The following PCDH7 variants were observed in gnomAD, a reference collection of about 807,000 sequenced individuals.
The protein encoded by PCDH7 is protocadherin 7.
PCDH7 carries 17 observed loss-of-function variants against 58.9 expected under a neutral mutation model. The observed-to-expected ratio is 0.29, with a 90% confidence interval of 0.20 to 0.43. The LOEUF is 0.43. Ranked by LOEUF, PCDH7 falls within the 20% of genes least tolerant of loss-of-function variation. The pLI, the probability that PCDH7 is intolerant of heterozygous loss-of-function variation, is 1.00. For synonymous variants in PCDH7, 664 were observed against 616.4 expected, an observed-to-expected ratio of 1.08 and a Z score of -1.14; for missense variants, 1,274 against 1,441.0, an observed-to-expected ratio of 0.88 and a Z score of 1.88.
intron 1 of PCDH7, among the ~76,000 whole-genome samples, chr4:30,798,160 C>T (rs1052718577): frequency 3.9e-5 from 6 of 152,134 alleles, no homozygotes; most frequent in Admixed American, 1.3e-4. Flanking sequence ...AATCAACATA[C>T]CTAAGACGTT....
chr4:30,880,351 A>C (rs1736813250), intron 1 of PCDH7, among the ~76,000 whole-genome samples: 1 of 152,100 alleles, frequency 6.6e-6, no homozygotes, highest in Non-Finnish European at 1.5e-5. Context: ...TCCTTATATA[A>C]AGAGCTTAAT....
intron 1 of PCDH7, among the ~76,000 whole-genome samples, chr4:30,813,923 A>T (rs1188642627): frequency 6.6e-6 from 1 of 152,170 alleles, no homozygotes; most frequent in Non-Finnish European, 1.5e-5. Flanking sequence ...TACAGGCGTG[A>T]GCTACCGCGC....
At chr4:30,889,108 G>A (rs1738241007) in intron 1 of PCDH7, among the ~76,000 whole-genome samples, 1 of 143,656 alleles carries the variant, frequency 7.0e-6, no homozygotes, top group Admixed American at 7.1e-5. Context: ...TTCAGCCTGG[G>A]AGGCAGAGGT....
At chr4:31,055,493 A>G (rs544141910) in intron 3 of PCDH7, among the ~76,000 whole-genome samples, 1 of 152,296 alleles carries the variant, frequency 6.6e-6, no homozygotes, top group Admixed American at 6.5e-5. Flanking sequence ...TTAAAACTCC[A>G]AATGGCATTC....
At chr4:30,938,986 T>A (rs934859878) in intron 2 of PCDH7, among the ~76,000 whole-genome samples, 2 of 152,156 alleles carry the variant, frequency 1.3e-5, no homozygotes, top group Admixed American at 6.6e-5. Flanking sequence ...TTTTAGAGTA[T>A]TTCAAAATAC....
chr4:30,997,081 C>CT lies in PCDH7; in HGVS notation c.*7+46878dup, dbSNP rs34696642. Among the ~76,000 whole-genome samples, 470 of 145,922 alleles carry CT rather than the reference C, an allele frequency of 3.2e-3. 2 individuals carry two copies. Among genetic ancestry groups the CT allele is most frequent in the African/African-American group, 7.1e-3 (281 of 39,628 alleles). ...ACAAGCTGAATGTTTTCCTTCTTTT[C>CT]TTTTTTTTTTTTGTTTTACATCAGT... On this transcript the variant is annotated intron_variant, in intron 3 of 3. Transcript: ENST00000509759.
chr4:31,027,259 T>C (rs61792949), intron 3 of PCDH7, among the ~76,000 whole-genome samples: 3,051 of 152,280 alleles, frequency 0.02, 46 homozygotes, highest in Non-Finnish European at 0.032. Flanking sequence ...ATAGGCATTA[T>C]GTTCTTTGTG....
intron 3 of PCDH7, among the ~76,000 whole-genome samples, chr4:30,979,090 G>A (rs920448598): frequency 6.6e-6 from 1 of 151,928 alleles, no homozygotes; most frequent in Non-Finnish European, 1.5e-5. Context: ...AAATTGGGGG[G>A]CCGAGGCAGG....
chr4:30,931,713 C>A (rs1167179827), intron 2 of PCDH7, among the ~76,000 whole-genome samples: 1 of 151,854 alleles, frequency 6.6e-6, no homozygotes, highest in Non-Finnish European at 1.5e-5. Flanking sequence ...ACTTCTTTCT[C>A]AGGTCACCAA....
At chr4:30,890,845 C>G (rs571349535) in intron 1 of PCDH7, among the ~76,000 whole-genome samples, 4 of 151,998 alleles carry the variant, frequency 2.6e-5, no homozygotes, top group Admixed American at 6.6e-5. Flanking sequence ...TTCTTGATAT[C>G]CAAGTGAAAT....
At chr4:30,926,221 G>C (rs1429804432) in intron 2 of PCDH7, among the ~76,000 whole-genome samples, 1 of 148,864 alleles carries the variant, frequency 6.7e-6, no homozygotes, top group Non-Finnish European at 1.5e-5. Flanking sequence ...GTCTCACTCT[G>C]CCACCCAGGC....
At chr4:31,008,117 ACT>A (rs1487802157) in intron 3 of PCDH7, among the ~76,000 whole-genome samples, 4 of 152,132 alleles carry the variant, frequency 2.6e-5, no homozygotes, top group Non-Finnish European at 5.9e-5. Context: ...GAAGGCAGAC[ACT>A]CTGCACAGCA....
intron 1 of PCDH7, among the ~76,000 whole-genome samples, chr4:30,820,319 CA>C (rs1728223045): frequency 6.6e-6 from 1 of 152,086 alleles, no homozygotes; most frequent in Non-Finnish European, 1.5e-5. Flanking sequence ...TTGACTCAAG[CA>C]TTTTTTTAAA....
At chr4:30,730,844 C>T in exon 2 of PCDH7, 1 of 1,532,180 alleles carries the variant, frequency 6.5e-7, no homozygotes, top group Admixed American at 2.3e-5. Flanking sequence ...CCTTTCTACT[C>T]CGAAACCTGC....
At chr4:30,920,284 A>T in exon 2 of PCDH7, 2 of 1,367,538 alleles carry the variant, frequency 1.5e-6, no homozygotes, top group Non-Finnish European at 2.0e-6. Flanking sequence ...CAGGGCCAAG[A>T]CTGGGTGCGC....
intron 3 of PCDH7, among the ~76,000 whole-genome samples, chr4:31,014,502 G>A (rs1406348967): frequency 6.6e-6 from 1 of 152,078 alleles, no homozygotes; most frequent in Non-Finnish European, 1.5e-5. Flanking sequence ...GGACAGGACT[G>A]GACTGAACTG....
At chr4:31,027,579 C>A (rs1301697361) in intron 3 of PCDH7, among the ~76,000 whole-genome samples, 4 of 151,944 alleles carry the variant, frequency 2.6e-5, no homozygotes, top group Admixed American at 6.6e-5. Context: ...TGCACCACCA[C>A]GCCCAACTAA....
At chr4:30,769,109 A>C (rs1377417784) in intron 1 of PCDH7, among the ~76,000 whole-genome samples, 3 of 152,220 alleles carry the variant, frequency 2.0e-5, no homozygotes, top group Non-Finnish European at 4.4e-5. Context: ...CTTTCTGATA[A>C]GTTTCTCCAA....
At chr4:31,130,474 A>G (rs532101634) in intron 3 of PCDH7, among the ~76,000 whole-genome samples, 3 of 152,200 alleles carry the variant, frequency 2.0e-5, no homozygotes, top group African/African-American at 7.2e-5. Flanking sequence ...TACAAAGCAC[A>G]AATGCAGCAA....
Sources: gnomAD v4.1 joint callset for allele counts (sites outside exome capture counted in the v4.1 genomes callset) on GRCh38, gnomAD v4.1.1 for gene constraint, MANE v1.5 for transcripts, NCBI Gene and HGNC (gene_info 2026-07-23, HGNC 2026-07-21) for gene names.